The following GRIK1 variants were observed in gnomAD, a reference collection of about 807,000 sequenced individuals.
GRIK1 encodes glutamate ionotropic receptor kainate type subunit 1.
Under a neutral mutation model 105.7 loss-of-function variants are expected in GRIK1, and 69 were observed. The observed-to-expected ratio is 0.65, with a 90% CI of 0.54 to 0.80. The LOEUF is 0.80. Among genes scored for constraint, GRIK1 ranks in the 30% least tolerant of loss-of-function variants. GRIK1 has a pLI of 0.00. For missense variants in GRIK1, 1,109 were observed against 1,167.3 expected, an observed-to-expected ratio of 0.95 and a Z score of 0.73; for synonymous variants, 438 against 431.3, an observed-to-expected ratio of 1.02 and a Z score of -0.19.
At chr21:29,775,262 T>A (rs1317984705) in intron 1 of GRIK1, among the ~76,000 whole-genome samples, 2 of 126,808 alleles carry the variant, frequency 1.6e-5, no homozygotes, top group Admixed American at 1.9e-4. Flanking sequence ...GGCGACAGAG[T>A]GAGCCTCTGT....
intron 7 of GRIK1, among the ~76,000 whole-genome samples, chr21:29,629,309 G>A (rs1239119918): frequency 6.6e-6 from 1 of 151,338 alleles, no homozygotes; most frequent in Non-Finnish European, 1.5e-5. Flanking sequence ...AGAAGAAGAG[G>A]GAGTGGCAGA....
At chr21:29,748,673 T>C (rs1393530585) in intron 1 of GRIK1, among the ~76,000 whole-genome samples, 1 of 152,374 alleles carries the variant, frequency 6.6e-6, no homozygotes, top group East Asian at 1.9e-4. Context: ...GATGAGATTG[T>C]GTGTTCTGGG....
intron 14 of GRIK1, among the ~76,000 whole-genome samples, chr21:29,564,595 T>C (rs561723393): frequency 1.3e-5 from 2 of 152,240 alleles, no homozygotes; most frequent in East Asian, 3.9e-4. Flanking sequence ...ATCTGGGGAA[T>C]TGAAGGATAT....
intron 1 of GRIK1, among the ~76,000 whole-genome samples, chr21:29,782,066 C>T (rs2066127227): frequency 1.3e-5 from 2 of 151,144 alleles, no homozygotes; most frequent in Admixed American, 1.3e-4. Flanking sequence ...CTCACTGTCC[C>T]GTATACAACA....
At chr21:29,791,880 A>G in intron 1 of GRIK1, among the ~76,000 whole-genome samples, 1 of 152,226 alleles carries the variant, frequency 6.6e-6, no homozygotes, top group East Asian at 1.9e-4. Context: ...CTGTGGGCCT[A>G]TGTATTCATG....
At chr21:29,876,112 A>ATG (rs1555903193) in intron 1 of GRIK1, among the ~76,000 whole-genome samples, 20,887 of 148,936 alleles carry the variant, frequency 0.14, 2,122 homozygotes, top group African/African-American at 0.3. Flanking sequence ...GGAGATAGAT[A>ATG]TGTGTGTGTG....
chr21:29,875,478 C>A (rs7275826), intron 1 of GRIK1, among the ~76,000 whole-genome samples: 2,206 of 152,236 alleles, frequency 0.014, 58 homozygotes, highest in African/African-American at 0.05. Flanking sequence ...AATACCTTTG[C>A]ACTCAGCTGC....
intron 1 of GRIK1, among the ~76,000 whole-genome samples, chr21:29,853,581 C>T (rs2068372233): frequency 6.6e-6 from 1 of 152,180 alleles, no homozygotes; most frequent in African/African-American, 2.4e-5. Flanking sequence ...TTAATCTCCC[C>T]AATCTAGCTT....
intron 1 of GRIK1, among the ~76,000 whole-genome samples, chr21:29,709,316 T>G (rs567021601): frequency 2.7e-4 from 41 of 149,516 alleles, no homozygotes; most frequent in African/African-American, 9.6e-4. Flanking sequence ...AGTCTAGCTC[T>G]GTTGCCCAGA....
In GRIK1 at chr21:29,623,858, C is replaced by T. The variant is rs2062062673; in HGVS notation, c.1098+18968G>A. 2.0e-5 allele frequency among the ~76,000 whole-genome samples: 3 copies of T among 152,286 alleles called. No homozygotes were observed. In the South Asian group the frequency reaches 6.2e-4, roughly 32 times the overall value. ...AACTAAACACTTGCAGAATAATTGT[C>T]TAATGCCAAAGTAATCTTTCATAGA... On this transcript the variant is annotated intron_variant, in intron 7 of 17. Coordinates refer to ENST00000327783, the MANE Select transcript of GRIK1 (RefSeq NM_001330994.2).
chr21:29,877,521 A>C (rs2146166915), intron 1 of GRIK1, among the ~76,000 whole-genome samples: 1 of 152,296 alleles, frequency 6.6e-6, no homozygotes, highest in East Asian at 1.9e-4. Flanking sequence ...TTAATTATTA[A>C]GACTAAGTGC....
intron 1 of GRIK1, among the ~76,000 whole-genome samples, chr21:29,780,795 A>G (rs1451724002): frequency 1.3e-5 from 2 of 152,206 alleles, no homozygotes; most frequent in African/African-American, 4.8e-5. Flanking sequence ...TTGTAACTAA[A>G]TCACTATTGC....
At chr21:29,784,917 C>A (rs540612759) in intron 1 of GRIK1, among the ~76,000 whole-genome samples, 1 of 152,120 alleles carries the variant, frequency 6.6e-6, no homozygotes, top group Non-Finnish European at 1.5e-5. Flanking sequence ...TATTTTGCAG[C>A]TGAAAAGCTC....
At chr21:29,913,631 A>G (rs1243644422) in intron 1 of GRIK1, among the ~76,000 whole-genome samples, 1 of 150,998 alleles carries the variant, frequency 6.6e-6, no homozygotes, top group Non-Finnish European at 1.5e-5. Flanking sequence ...AGAATACACA[A>G]TGTCAAAAGA....
intron 1 of GRIK1, among the ~76,000 whole-genome samples, chr21:29,838,572 C>G (rs1227926966): frequency 6.6e-6 from 1 of 152,148 alleles, no homozygotes; most frequent in African/African-American, 2.4e-5. Flanking sequence ...AAGATATTGC[C>G]TGCCTGCAAG....
chr21:29,857,004 G>A (rs469481), intron 1 of GRIK1, among the ~76,000 whole-genome samples: 28,084 of 152,074 alleles, frequency 0.18, 2,778 homozygotes, highest in East Asian at 0.38. Context: ...GCTAAGGTGG[G>A]GGACAGATGA....
At chr21:29,934,189 T>C (rs2071668402) in intron 1 of GRIK1, among the ~76,000 whole-genome samples, 1 of 152,188 alleles carries the variant, frequency 6.6e-6, no homozygotes, top group Admixed American at 6.5e-5. Flanking sequence ...ATTGCATTAT[T>C]TGAACCCTTT....
intron 1 of GRIK1, among the ~76,000 whole-genome samples, chr21:29,759,360 C>T (rs1401408873): frequency 2.0e-5 from 3 of 152,182 alleles, no homozygotes; most frequent in East Asian, 3.9e-4. Flanking sequence ...TCTCGTGATC[C>T]GCCCGCCTCG....
intron 1 of GRIK1, among the ~76,000 whole-genome samples, chr21:29,741,654 G>A (rs1182371304): frequency 6.6e-6 from 1 of 152,158 alleles, no homozygotes; most frequent in African/African-American, 2.4e-5. Flanking sequence ...GATACATCTT[G>A]ATATATGAAT....
Sources: allele counts gnomAD v4.1 joint callset (sites outside exome capture counted in the v4.1 genomes callset), GRCh38; gene constraint gnomAD v4.1.1; transcripts MANE v1.5; gene names NCBI Gene and HGNC (gene_info 2026-07-23, HGNC 2026-07-21).